Variants in RPN1 observed in about 807,000 individuals in gnomAD.
RPN1 encodes the protein dolichyl-diphosphooligosaccharide--protein glycosyltransferase subunit 1.
Under a neutral mutation model 55.5 loss-of-function variants are expected in RPN1, and 12 were observed. The observed-to-expected ratio is 0.22, with a 90% CI of 0.14 to 0.35. The LOEUF (loss-of-function observed/expected upper bound fraction) is 0.35. Among genes scored for constraint, RPN1 ranks in the 10% least tolerant of loss-of-function variants. RPN1 has a pLI of 1.00. For synonymous variants in RPN1, 317 were observed against 305.9 expected (o/e 1.04, Z -0.38); for missense variants, 679 against 761.3 (o/e 0.89, Z 1.27).
chr3:128,625,565 A>T lies in RPN1; in HGVS notation c.1364T>A (p.Ile455Asn), dbSNP rs1392454767. ...AFYILFFTVIIYVRLDFSITK... is the reference protein window; with the variant it reads ...AFYILFFTVINYVRLDFSITK... ...GATGGAGAAGTCCAGCCGAACATAG[A>T]TGATAACGGTGAAGAACAGGATGTA... is the stretch of plus-strand genomic sequence containing the variant. Residue 455 changes from isoleucine (I) to asparagine (N), a missense_variant, in exon 8 of 10, where the codon ATC becomes AAC. By Grantham distance (149) the Ile-to-Asn change is moderately radical. This residue lies in a region of RPN1 where 306 missense variants were observed against 360.0 expected (regional missense o/e 0.85). Transcript: ENST00000296255. 1 of 1,614,070 alleles carries T rather than the reference A, an allele frequency of 6.2e-7. No homozygotes were observed. Among genetic ancestry groups the T allele is most frequent in the East Asian group, 2.2e-5 (1 of 44,846 alleles).
intron 5 of RPN1, 145 bp from the exon 6 acceptor site, chr3:128,626,977 C>A (rs1576792700): frequency 1.0e-5 from 7 of 676,502 alleles, no homozygotes; most frequent in Non-Finnish European, 1.3e-5. Flanking sequence ...CAAAACCAGG[C>A]AACAAAGTAT....
intron 4 of RPN1, among the ~76,000 whole-genome samples, chr3:128,631,461 A>G (rs1402577159): frequency 2.0e-5 from 3 of 149,976 alleles, no homozygotes; most frequent in Non-Finnish European, 3.0e-5. Context: ...CTGGGCAACA[A>G]GAGCAAAACT....
intron 3 of RPN1, among the ~76,000 whole-genome samples, chr3:128,635,957 A>G (rs1213762422): frequency 1.3e-5 from 2 of 151,912 alleles, no homozygotes; most frequent in Admixed American, 6.6e-5. Context: ...AACTTGTTAT[A>G]TATGATTTTG....
intron 2 of RPN1, 174 bp downstream of exon 2, chr3:128,644,745 G>C (rs2069754054): frequency 6.2e-6 from 4 of 648,188 alleles, no homozygotes; most frequent in Non-Finnish European, 8.4e-6. Context: ...GATGGCTTGA[G>C]CTCAGGAGTT....
chr3:128,622,878 CAG>C (rs2069570859), intron 8 of RPN1, among the ~76,000 whole-genome samples: 1 of 141,766 alleles, frequency 7.1e-6, no homozygotes, highest in African/African-American at 2.7e-5. Context: ...GCCTGGGCGA[CAG>C]AGCGAAACTC....
chr3:128,636,011 T>G (rs1029160271), intron 3 of RPN1, among the ~76,000 whole-genome samples: 3 of 152,094 alleles, frequency 2.0e-5, no homozygotes, highest in Non-Finnish European at 4.4e-5. Context: ...ATATAACTTG[T>G]TATATGATTT....
At position 128,631,953 on chromosome 3, in the gene RPN1, A is replaced by G; in HGVS notation, c.838T>C (p.Phe280Leu). The change falls in exon 4 of 10, where the codon TTT becomes CTT. Residue 280 changes from phenylalanine (F) to leucine (L), a missense_variant. Physicochemically the swap from Phe to Leu is conservative, Grantham distance 22 (BLOSUM62 0). This residue lies in a region of RPN1 where 352 missense variants were observed against 352.8 expected (regional missense o/e 1.00). Coordinates refer to ENST00000296255, the MANE Select transcript of RPN1 (RefSeq NM_002950.4). ...CCAAGTTGAACATTCCATACCTTAA[A>G]AGAACGGATGGAGGATATTCCACTA... The part of the protein sequence containing the change: ...PDSGISSIRS[F>L]KTILPAAAQD... 1 of 1,614,124 alleles carries G rather than the reference A, an allele frequency of 6.2e-7. No individual in the cohort carries two copies.
At chr3:128,626,074 G>C (rs2107713979) in intron 6 of RPN1, 62 bp from the exon 7 acceptor site, 1 of 1,501,490 alleles carries the variant, frequency 6.7e-7, no homozygotes, top group South Asian at 1.3e-5. Flanking sequence ...CCAGATTTAG[G>C]ATCAGAGAAT....
Position 128,630,141 on chromosome 3 carries a change from G to A in RPN1, c.846C>T (p.Thr282=), listed in dbSNP as rs1264276058. ...SGISSIRSFK[T]ILPAAAQDVY... ...CATCCTGGGCAGCAGCAGGAAGGATGGTCTGCAAGAGAGTGGATATGCCCT... is the reference window on the plus strand; with the variant it reads ...CATCCTGGGCAGCAGCAGGAAGGATAGTCTGCAAGAGAGTGGATATGCCCT... Residue 282 remains threonine, a splice_region_variant and synonymous_variant, in exon 5 of 10, where the codon ACC becomes ACT. Coordinates refer to ENST00000296255, the MANE Select transcript of RPN1 (RefSeq NM_002950.4). The A allele has an allele frequency of 3.1e-6, 5 of 1,610,986 alleles. No individual in the cohort carries two copies. The highest frequency in any genetic ancestry group is 4.2e-6 in the Non-Finnish European group (5 of 1,177,836).
At chr3:128,637,564 T>G (rs1052190553) in intron 3 of RPN1, among the ~76,000 whole-genome samples, 2 of 151,788 alleles carry the variant, frequency 1.3e-5, no homozygotes, top group African/African-American at 4.9e-5. Flanking sequence ...TGCTTCCATC[T>G]CCAACACCCA....
intron 2 of RPN1, among the ~76,000 whole-genome samples, chr3:128,644,108 C>T (rs1000818395): frequency 2.6e-5 from 4 of 152,030 alleles, no homozygotes; most frequent in Non-Finnish European, 4.4e-5. Flanking sequence ...GGTTGTCTGC[C>T]CCATGGAAGC....
intron 2 of RPN1, chr3:128,644,375 C>T (rs943412402): frequency 9.0e-6 from 2 of 222,838 alleles, no homozygotes; most frequent in Non-Finnish European, 9.2e-6. Context: ...CTCGGTGGGG[C>T]GTAATGGACT....
At position 128,632,230 on chromosome 3, in the gene RPN1, T is replaced by A. The variant is rs548166532; in HGVS notation, c.634-73A>T. 1.1e-5 allele frequency: 15 copies of A among 1,374,300 alleles called. No individual in the cohort carries two copies. In the East Asian group the frequency reaches 1.9e-4, roughly 17 times the overall value. 85.1% of individuals were successfully genotyped at this position (1,374,300 alleles called of 1,614,324 possible). Reference sequence around the variant, plus strand: ...CACCATTAGTTTAAATCAGATTGATTGGAGACAACCTATATATCAGCAACA... The same window carrying A: ...CACCATTAGTTTAAATCAGATTGATAGGAGACAACCTATATATCAGCAACA... On this transcript the variant is annotated intron_variant, in intron 3 of 9. Coordinates refer to ENST00000296255, the MANE Select transcript of RPN1 (RefSeq NM_002950.4).
chr3:128,630,855 T>C (rs1172886609), intron 4 of RPN1, among the ~76,000 whole-genome samples: 1 of 152,218 alleles, frequency 6.6e-6, no homozygotes, highest in Non-Finnish European at 1.5e-5. Context: ...GGCTCACGCC[T>C]GTAATCCCAG....
At chr3:128,632,763 T>G (rs1205961774) in intron 3 of RPN1, among the ~76,000 whole-genome samples, 3 of 152,186 alleles carry the variant, frequency 2.0e-5, no homozygotes, top group African/African-American at 7.2e-5. Context: ...TCTGGCTAAT[T>G]TTTGTATTTT....
At position 128,636,857 on chromosome 3, in the gene RPN1, T is replaced by C. The variant is rs1209549194; in HGVS notation, c.633+942A>G. Among the ~76,000 whole-genome samples the C allele has an allele frequency of 1.3e-5, 2 of 152,118 alleles. 1 individual carries two copies. Among genetic ancestry groups the C allele is most frequent in the South Asian group, 4.1e-4 (2 of 4,828 alleles). On this transcript the variant is annotated intron_variant, in intron 3 of 9. Transcript: ENST00000296255. ...AGCCACTGCACCCAGTGCAAAGAAA[T>C]CTTAAACGTCTAAAATACCCATATT...
intron 2 of RPN1, chr3:128,641,088 T>G (rs969751886): frequency 6.6e-6 from 1 of 151,982 alleles, no homozygotes; most frequent in Non-Finnish European, 1.5e-5. Context: ...CTGATGTACA[T>G]GGAGCAGGTC....
intron 3 of RPN1, among the ~76,000 whole-genome samples, chr3:128,635,612 G>GATAGATAT (rs2069671491): frequency 8.0e-6 from 1 of 125,724 alleles, no homozygotes; most frequent in African/African-American, 3.1e-5. Context: ...TATAACTTGA[G>GATAGATAT]ATATATATAT....
intron 2 of RPN1, among the ~76,000 whole-genome samples, chr3:128,643,473 G>A (rs1055453379): frequency 6.6e-6 from 1 of 152,064 alleles, no homozygotes; most frequent in African/African-American, 2.4e-5. Flanking sequence ...AGACCAGCCT[G>A]GCCAACATGG....
Sources: gnomAD v4.1 joint callset for allele counts (sites outside exome capture counted in the v4.1 genomes callset) on GRCh38, gnomAD v4.1.1 for gene constraint, gnomAD v4.1.1 regional missense constraint, MANE v1.5 for transcripts, NCBI Gene and HGNC (gene_info 2026-07-23, HGNC 2026-07-21) for gene names.